The following DHX57 variants were observed in gnomAD, a reference collection of about 807,000 sequenced individuals.
The protein encoded by DHX57 is DExH-box helicase 57.
A neutral mutation model predicts 156.2 loss-of-function variants in DHX57; 105 were observed. The ratio of observed to expected loss-of-function variants is 0.67; its 90% CI spans 0.57 to 0.79. DHX57 has a LOEUF of 0.79. DHX57 is among the 30% of genes least tolerant of loss of function. The pLI, the probability that DHX57 is intolerant of heterozygous loss-of-function variation, is 0.00. For synonymous variants in DHX57, 704 were observed against 595.6 expected, an observed-to-expected ratio of 1.18 and a Z score of -2.65; for missense variants, 1,847 against 1,661.9, an observed-to-expected ratio of 1.11 and a Z score of -1.94.
Position 38,862,331 on chromosome 2 carries a change from C to A in DHX57, c.386G>T (p.Arg129Ile). Residue 129 changes from arginine (R) to isoleucine (I), a missense_variant and splice_region_variant, in exon 4 of 24, where the codon AGA (arginine) becomes ATA (isoleucine). Transcript: ENST00000457308. The part of the protein sequence containing the change: ...QEQDADAGSE[R>I]GLSGEEEDDE... ...ATCTTCCTCCTCCCCAGAAAGGCCTCTTCTAGCAAAGGCAACATTTTCATA... is the reference window on the plus strand; with the variant it reads ...ATCTTCCTCCTCCCCAGAAAGGCCTATTCTAGCAAAGGCAACATTTTCATA... 1 of 1,562,692 alleles carries A rather than the reference C, an allele frequency of 6.4e-7. No homozygotes were observed. The highest frequency in any genetic ancestry group is 8.7e-7 in the Non-Finnish European group (1 of 1,149,962).
chr2:38,802,987 C>T (rs781314796), intron 22 of DHX57, 72 bp from the exon 23 acceptor site: 107 of 1,557,276 alleles, frequency 6.9e-5, no homozygotes, highest in Non-Finnish European at 9.0e-5. Flanking sequence ...CCCAGTCCCA[C>T]GGATTTAAAT....
At chr2:38,803,863 C>T (rs1669814369) in intron 22 of DHX57, among the ~76,000 whole-genome samples, 1 of 151,518 alleles carries the variant, frequency 6.6e-6, no homozygotes, top group Non-Finnish European at 1.5e-5. Context: ...CTCACTGCAA[C>T]CTCTACCTCC....
chr2:38,822,800 TTTTA>T (rs1182306865), intron 17 of DHX57, among the ~76,000 whole-genome samples, 189 bp downstream of exon 17: 1 of 152,114 alleles, frequency 6.6e-6, no homozygotes, highest in African/African-American at 2.4e-5. Context: ...CTTTTGTTTG[TTTTA>T]TTTGTTTTTG....
rs1045340351 is a variant in DHX57, at chr2:38,811,722, G to A, written c.3681+2099C>T. ...GTCTTCATGGCTCAGTGAACCACTC[G>A]GGGCCTGGGGAGCAAAGGCAGGCAA... On this transcript the variant is annotated intron_variant, in intron 21 of 23. Transcript: ENST00000457308. 4 of 652,284 alleles carry A rather than the reference G, an allele frequency of 6.1e-6. No homozygotes were observed. The South Asian group carries it at 6.6e-5, about 11-fold the overall frequency. The allele number at this position is 652,284 out of a possible 1,614,324, so 40.4% of individuals were successfully genotyped here.
intron 21 of DHX57, among the ~76,000 whole-genome samples, chr2:38,809,811 T>A (rs1224444445): frequency 6.6e-6 from 1 of 152,098 alleles, no homozygotes; most frequent in Non-Finnish European, 1.5e-5. Context: ...ACACTGAATA[T>A]AATTTTTGTG....
In DHX57 at chr2:38,868,378, T is replaced by G; in HGVS notation, c.28A>C (p.Lys10Gln). The stretch of plus-strand genomic sequence containing the variant: ...CCTTTTCCACCTCCTTTGCCTGGCT[T>G]GCCTTTTCTTCTTACTGAAGAACTC... MSSSVRRKG[K>Q]PGKGGGKGSS... The change falls in exon 2 of 24, where the codon AAG (lysine) becomes CAG (glutamine). Residue 10 changes from lysine (K) to glutamine (Q), a missense_variant. Physicochemically the swap from Lys to Gln is moderately conservative, Grantham distance 53 (BLOSUM62 1). Coordinates refer to ENST00000457308, the MANE Select transcript of DHX57 (RefSeq NM_198963.3). 1 of 1,613,576 alleles carries G rather than the reference T, an allele frequency of 6.2e-7. No individual in the cohort carries two copies.
At chr2:38,820,797 A>G (rs1046005485) in intron 17 of DHX57, among the ~76,000 whole-genome samples, 7 of 151,990 alleles carry the variant, frequency 4.6e-5, no homozygotes, top group African/African-American at 1.7e-4. Flanking sequence ...TCCGAACTAT[A>G]TAAAATAAGC....
At chr2:38,825,792 A>AT (rs1377364751) in intron 16 of DHX57, 55 bp downstream of exon 16, 17 of 1,559,438 alleles carry the variant, frequency 1.1e-5, no homozygotes, top group African/African-American at 4.1e-5. Flanking sequence ...GGAACTTAAT[A>AT]GAGTGAGAAA....
intron 13 of DHX57, among the ~76,000 whole-genome samples, chr2:38,832,387 G>A (rs908887311): frequency 1.3e-5 from 2 of 151,990 alleles, no homozygotes; most frequent in African/African-American, 2.4e-5. Context: ...TTGCAGAGCC[G>A]AGATTGCGCC....
Position 38,823,124 on chromosome 2 carries a change from G to T in DHX57, c.3160C>A (p.Pro1054Thr), listed in dbSNP as rs367699807. The T allele has an allele frequency of 6.2e-7, 1 of 1,614,030 alleles. No individual in the cohort carries two copies. The highest frequency in any genetic ancestry group is 1.3e-5 in the African/African-American group (1 of 74,912). The change falls in exon 17 of 24, where the codon CCT (proline) becomes ACT (threonine). Residue 1054 changes from proline (P) to threonine (T), a missense_variant. Physicochemically the swap from Pro to Thr is conservative, Grantham distance 38. Transcript: ENST00000457308. ...GALTPDERLTPLGYHLASLPV... is the reference protein window; with the variant it reads ...GALTPDERLTTLGYHLASLPV... ...AGAGAGGCCAAATGATACCCAAGAG[G>T]GGTCAATCTTTCATCTGGAGTTAAT...
intron 13 of DHX57, among the ~76,000 whole-genome samples, chr2:38,831,965 T>C (rs575385334): frequency 6.6e-6 from 1 of 151,902 alleles, no homozygotes. Context: ...GAGGTTGCAG[T>C]GAGCTGAGAT....
chr2:38,817,579 G>A (rs1487349925), intron 19 of DHX57, among the ~76,000 whole-genome samples: 1 of 152,190 alleles, frequency 6.6e-6, no homozygotes, highest in East Asian at 1.9e-4. Flanking sequence ...GCCTTCCAAA[G>A]TGCTGGGATT....
rs368147571 is a variant in DHX57, at chr2:38,828,929, G to A, written c.2543-493C>T. 4.6e-5 allele frequency among the ~76,000 whole-genome samples: 7 copies of A among 152,190 alleles called. No individual in the cohort carries two copies. The South Asian group carries it at 1.5e-3, about 32-fold the overall frequency. Reference sequence around the variant, plus strand: ...TATAATGCCAAGAATTATTAGCTAAGCTCTTTTTTTATTTTAATTTTTATT... The same window carrying A: ...TATAATGCCAAGAATTATTAGCTAAACTCTTTTTTTATTTTAATTTTTATT... On this transcript the variant is annotated intron_variant, in intron 13 of 23. Coordinates refer to ENST00000457308, the MANE Select transcript of DHX57 (RefSeq NM_198963.3).
rs1225361797 is a variant in DHX57 at position 38,815,587 on chromosome 2, G to A, written c.3540C>T (p.Leu1180=). ...CCCTTTTCTCAATTTCCCTTGCTCT[G>A]AGCCCTTCCCTTGCAAACCCTATAT... The part of the protein sequence containing the change: ...LSDIGFAREG[L]RAREIEKRAQ... The change falls in exon 20 of 24, where the codon CTC becomes CTT. Residue 1180 remains leucine (L), a synonymous_variant. Transcript: ENST00000457308. 2 of 1,613,920 alleles carry A rather than the reference G, an allele frequency of 1.2e-6. No homozygotes were observed. Among genetic ancestry groups the A allele is most frequent in the Admixed American group, 3.3e-5 (2 of 59,956 alleles).
intron 22 of DHX57, among the ~76,000 whole-genome samples, chr2:38,804,071 C>G (rs1303871189): frequency 6.6e-6 from 1 of 152,180 alleles, no homozygotes; most frequent in African/African-American, 2.4e-5. Context: ...CACCCAGCTA[C>G]CAATTTAGTA....
chr2:38,847,541 G>T (rs1365563516), intron 10 of DHX57, among the ~76,000 whole-genome samples: 1 of 152,200 alleles, frequency 6.6e-6, no homozygotes, highest in East Asian at 1.9e-4. Context: ...AGCTCAGGGT[G>T]ATAAATTAAT....
At chr2:38,800,205 AT>A (rs1376401164) in intron 23 of DHX57, among the ~76,000 whole-genome samples, 412 of 128,998 alleles carry the variant, frequency 3.2e-3, no homozygotes, top group Non-Finnish European at 4.7e-3. Context: ...AAAAAAAAAA[AT>A]AGCCGGGCTT....
rs61667849 is a variant in DHX57, at chr2:38,827,505, A to AATAT, written c.2640-820_2640-817dup. Among the ~76,000 whole-genome samples, 84 of 10,132 alleles carry AATAT rather than the reference A, an allele frequency of 8.3e-3. 1 individual carries two copies. The highest frequency in any genetic ancestry group is 0.011 in the African/African-American group (81 of 7,080). The allele number at this position is 10,132 out of a possible 152,430, so 6.6% of individuals were successfully genotyped here. A position where few individuals can be genotyped will look rare whatever the true frequency, so the allele number is the denominator to read the frequency against. ...TGTCTCAAAAAAAAAAAAAAAAAAA[A>AATAT]ATATATATATATATATATATATATA... On this transcript the variant is annotated intron_variant, in intron 14 of 23. Transcript: ENST00000457308.
chr2:38,867,560 T>C (rs1023777783), intron 2 of DHX57, among the ~76,000 whole-genome samples: 7 of 152,126 alleles, frequency 4.6e-5, no homozygotes, highest in African/African-American at 7.2e-5. Context: ...CTTTAGGCTG[T>C]TCAATGTTTG....
Sources: gnomAD v4.1 joint callset for allele counts (sites outside exome capture counted in the v4.1 genomes callset) on GRCh38, gnomAD v4.1.1 for gene constraint, MANE v1.5 for transcripts, NCBI Gene and HGNC (gene_info 2026-07-23, HGNC 2026-07-21) for gene names.